SLC6A11: variants seen among roughly 807,000 people sequenced by gnomAD.
The protein encoded by SLC6A11 is solute carrier family 6 member 11, also known as sodium- and chloride-dependent GABA transporter 3.
Under a neutral mutation model 74.8 loss-of-function variants are expected in SLC6A11, and 25 were observed. That is an observed-to-expected ratio of 0.33 (90% CI 0.24 to 0.47). The LOEUF (loss-of-function observed/expected upper bound fraction) is 0.47. Among genes scored for constraint, SLC6A11 ranks in the 20% least tolerant of loss-of-function variants. SLC6A11 has a pLI of 1.00. For missense variants in SLC6A11, 574 were observed against 837.0 expected (o/e 0.69, Z 3.88); for synonymous variants, 330 against 330.2 (o/e 1.00, Z 0.01).
rs529142565 is a variant in SLC6A11, at chr3:10,926,691, C to A, written c.1233+575C>A. ...CCTGCTTGGCAGCCTCCTTCCCTGG[C>A]GAAGGGGGTAGACCTGGAGCTAGTA... is the stretch of plus-strand genomic sequence containing the variant. On this transcript the variant is annotated intron_variant, in intron 9 of 13. Coordinates refer to ENST00000254488, the MANE Select transcript of SLC6A11 (RefSeq NM_014229.3). The surrounding 1 kb of genome is among the most constrained non-coding windows in gnomAD (Gnocchi z 5.7). Among the ~76,000 whole-genome samples, 5 of 152,286 alleles carry A rather than the reference C, an allele frequency of 3.3e-5. No individual in the cohort carries two copies. In the East Asian group the frequency reaches 9.7e-4, roughly 29 times the overall value.
chr3:10,886,667 C>T (rs1288007471), intron 6 of SLC6A11, among the ~76,000 whole-genome samples: 1 of 152,136 alleles, frequency 6.6e-6, no homozygotes, highest in African/African-American at 2.4e-5. Context: ...ATTAGCCAGG[C>T]ATGATGGCAT....
At chr3:10,873,384 T>TTTATC (rs1553671098) in intron 5 of SLC6A11, among the ~76,000 whole-genome samples, 9,424 of 90,530 alleles carry the variant, frequency 0.1, 1,421 homozygotes, top group Middle Eastern at 0.12. Flanking sequence ...CCTTCATTAT[T>TTTATC]GTATCCTATC....
chr3:10,848,083 C>T (rs577106035), intron 5 of SLC6A11, among the ~76,000 whole-genome samples: 150 of 152,256 alleles, frequency 9.9e-4, no homozygotes, highest in African/African-American at 3.4e-3. Context: ...AATAAATGTT[C>T]GTTAATTCAA....
intron 13 of SLC6A11, among the ~76,000 whole-genome samples, chr3:10,935,838 A>G (rs1194071991): frequency 6.6e-6 from 1 of 152,182 alleles, no homozygotes; most frequent in Admixed American, 6.5e-5. Context: ...TTGTGCAGTC[A>G]TTGTCATGAA....
intron 5 of SLC6A11, among the ~76,000 whole-genome samples, chr3:10,853,429 C>T (rs1441217510): frequency 6.6e-6 from 1 of 152,200 alleles, no homozygotes; most frequent in Non-Finnish European, 1.5e-5. Flanking sequence ...TGATGTGGAG[C>T]TGGGTCCCCT....
chr3:10,937,607 G>A (rs1035231829), intron 13 of SLC6A11, among the ~76,000 whole-genome samples: 21 of 152,258 alleles, frequency 1.4e-4, no homozygotes, highest in African/African-American at 5.1e-4. Flanking sequence ...GGGGCCTGAG[G>A]CAGGGCCACA....
At chr3:10,827,133 A>G (rs1026264228) in intron 4 of SLC6A11, among the ~76,000 whole-genome samples, 4 of 152,228 alleles carry the variant, frequency 2.6e-5, no homozygotes, top group Non-Finnish European at 5.9e-5. Flanking sequence ...AGATTGTGTG[A>G]GATGTTCATA....
chr3:10,913,670 A>G (rs1695416148), intron 7 of SLC6A11, among the ~76,000 whole-genome samples: 2 of 152,196 alleles, frequency 1.3e-5, no homozygotes, highest in Non-Finnish European at 2.9e-5. Flanking sequence ...CTAAAACACC[A>G]GTAAAAAAAC....
chr3:10,828,656 C>T (rs1694249208), intron 4 of SLC6A11, among the ~76,000 whole-genome samples: 1 of 152,166 alleles, frequency 6.6e-6, no homozygotes, highest in South Asian at 2.1e-4. Flanking sequence ...GAAGATTTCT[C>T]ACCAGATCCT....
chr3:10,837,199 T>G (rs1157269297), intron 4 of SLC6A11, among the ~76,000 whole-genome samples: 2 of 152,116 alleles, frequency 1.3e-5, no homozygotes, highest in African/African-American at 4.8e-5. Context: ...GGGAAGGATG[T>G]TCCCAGCCGA....
chr3:10,877,775 G>T, intron 6 of SLC6A11, among the ~76,000 whole-genome samples: 1 of 152,202 alleles, frequency 6.6e-6, no homozygotes, highest in Non-Finnish European at 1.5e-5. Context: ...AAATGGGCCC[G>T]ACTTTGGAGC....
At chr3:10,841,819 G>A (rs571554002) in intron 4 of SLC6A11, among the ~76,000 whole-genome samples, 14 of 151,950 alleles carry the variant, frequency 9.2e-5, no homozygotes, top group South Asian at 8.3e-4. Flanking sequence ...GTGTGTGTGC[G>A]TGTGTGTGTG....
chr3:10,913,153 T>C (rs1304396747), intron 7 of SLC6A11, among the ~76,000 whole-genome samples: 1 of 151,192 alleles, frequency 6.6e-6, no homozygotes, highest in Non-Finnish European at 1.5e-5. Flanking sequence ...CTTTCCACCA[T>C]AGTTAAGTGT....
intron 3 of SLC6A11, 34 bp downstream of exon 3, chr3:10,819,886 G>A (rs568637644): frequency 1.9e-6 from 3 of 1,607,382 alleles, no homozygotes; most frequent in African/African-American, 2.7e-5. Context: ...TGCTGGTCCT[G>A]CTGGGTGACC....
chr3:10,895,068 T>C (rs1359913675), intron 6 of SLC6A11, among the ~76,000 whole-genome samples: 1 of 152,112 alleles, frequency 6.6e-6, no homozygotes, highest in Admixed American at 6.5e-5. Context: ...GAGATGATAA[T>C]AGTACCAGCC....
intron 13 of SLC6A11, among the ~76,000 whole-genome samples, chr3:10,937,726 G>A (rs1266820243): frequency 6.6e-6 from 1 of 152,222 alleles, no homozygotes; most frequent in Non-Finnish European, 1.5e-5. Context: ...CTTGGGCTTT[G>A]TGATAATGCT....
intron 5 of SLC6A11, among the ~76,000 whole-genome samples, chr3:10,862,846 T>C (rs1424648772): frequency 6.6e-6 from 1 of 152,234 alleles, no homozygotes; most frequent in Admixed American, 6.5e-5. Context: ...TCACACACCC[T>C]TGAGGGCAGG....
At chr3:10,834,321 A>C (rs1351996227) in intron 4 of SLC6A11, among the ~76,000 whole-genome samples, 1 of 148,448 alleles carries the variant, frequency 6.7e-6, no homozygotes, top group Non-Finnish European at 1.5e-5. Context: ...CTGTGGACTC[A>C]GGCTCTGGAA....
chr3:10,835,884 G>A (rs1228252728), intron 4 of SLC6A11, among the ~76,000 whole-genome samples: 1 of 152,186 alleles, frequency 6.6e-6, no homozygotes, highest in African/African-American at 2.4e-5. Context: ...AAAGTTTATT[G>A]TAGTTTACAT....
Sources: allele counts gnomAD v4.1 joint callset (sites outside exome capture counted in the v4.1 genomes callset), GRCh38; gene constraint gnomAD v4.1.1; non-coding constraint Gnocchi (gnomAD v3.1); transcripts MANE v1.5; gene names NCBI Gene and HGNC (gene_info 2026-07-23, HGNC 2026-07-21).